TBCK: variants seen among roughly 807,000 people sequenced by gnomAD.
The protein encoded by TBCK is TBC1 domain containing kinase, also known as TBC domain-containing protein kinase-like protein.
In TBCK, 99 loss-of-function variants were observed where a neutral mutation model predicts 113.4. That is an observed-to-expected ratio of 0.87 (90% CI 0.74 to 1.03). The LOEUF is 1.03. TBCK is among the 50% of genes least tolerant of loss of function. The pLI is 0.00. For synonymous variants in TBCK, 369 were observed against 370.8 expected, an observed-to-expected ratio of 1.00 and a Z score of 0.05; for missense variants, 1,045 against 1,061.3, an observed-to-expected ratio of 0.98 and a Z score of 0.21.
chr4:106,224,607 A>C (rs1284478818), intron 19 of TBCK, among the ~76,000 whole-genome samples: 1 of 152,194 alleles, frequency 6.6e-6, no homozygotes, highest in Non-Finnish European at 1.5e-5. Flanking sequence ...TCTAATTCTA[A>C]GCCTAAAATA....
intron 23 of TBCK, among the ~76,000 whole-genome samples, chr4:106,156,347 G>A (rs765835126): frequency 2.0e-4 from 31 of 152,134 alleles, no homozygotes; most frequent in Non-Finnish European, 3.5e-4. Flanking sequence ...ACTGGGTCTC[G>A]CCCAAGGCTT....
At chr4:106,116,882 T>C (rs1167318131) in intron 23 of TBCK, among the ~76,000 whole-genome samples, 1 of 152,114 alleles carries the variant, frequency 6.6e-6, no homozygotes, top group Non-Finnish European at 1.5e-5. Context: ...TTATGGTAAG[T>C]TGTATAATTA....
intron 20 of TBCK, among the ~76,000 whole-genome samples, chr4:106,199,448 C>A (rs961596797): frequency 6.6e-6 from 1 of 152,074 alleles, no homozygotes; most frequent in African/African-American, 2.4e-5. Flanking sequence ...GATACCTTTT[C>A]TTTTCTTTTC....
intron 5 of TBCK, among the ~76,000 whole-genome samples, chr4:106,257,483 C>G (rs1475706788): frequency 1.3e-5 from 2 of 152,100 alleles, no homozygotes; most frequent in African/African-American, 2.4e-5. Flanking sequence ...ATTCAAAATA[C>G]AAGTCAATTA....
intron 25 of TBCK, among the ~76,000 whole-genome samples, chr4:106,061,780 A>G (rs1413338934): frequency 1.3e-5 from 2 of 151,684 alleles, no homozygotes; most frequent in African/African-American, 2.4e-5. Context: ...CTCCTTTTAT[A>G]GGAGAGAAAT....
intron 23 of TBCK, among the ~76,000 whole-genome samples, chr4:106,139,589 C>G (rs894003480): frequency 7.1e-6 from 1 of 140,934 alleles, no homozygotes; most frequent in Non-Finnish European, 1.6e-5. Context: ...ATGTGTTTAG[C>G]TGTGAATACT....
chr4:106,193,726 G>A lies in TBCK; in HGVS notation c.1942C>T (p.Leu648=), dbSNP rs1753911469. 4 of 1,607,968 alleles carry A rather than the reference G, an allele frequency of 2.5e-6. No individual in the cohort carries two copies. In the African/African-American group the frequency reaches 4.0e-5, roughly 16 times the overall value. ...HKIFHLWDTL[L]LGNSSFPFCI... ...AATGGGAAAGAGGAATTCCCAAGTA[G>A]TAAGGTATCCCAGAGGTGGAAAATT... Residue 648 remains leucine (L), a synonymous_variant, in exon 22 of 26, where the codon CTA becomes TTA. Coordinates refer to ENST00000394708, the MANE Select transcript of TBCK (RefSeq NM_001163435.3).
At chr4:106,154,991 A>G (rs577937926) in intron 23 of TBCK, among the ~76,000 whole-genome samples, 6 of 152,144 alleles carry the variant, frequency 3.9e-5, no homozygotes, top group African/African-American at 1.4e-4. Context: ...ATTACTCATT[A>G]AAAGTCTTTT....
chr4:106,221,336 C>T (rs1419878754), intron 19 of TBCK, among the ~76,000 whole-genome samples: 1 of 152,098 alleles, frequency 6.6e-6, no homozygotes, highest in East Asian at 1.9e-4. Context: ...TATATATACA[C>T]ACACACACAG....
At position 106,314,032 on chromosome 4, in the gene TBCK, T is replaced by C. The variant is rs537768982; in HGVS notation, c.-30+1899A>G. On this transcript the variant is annotated intron_variant, in intron 1 of 25. Transcript: ENST00000394708. ...AAAAAACATATCAGAGCATACAGCT[T>C]GGACTTGCTCTAAGTAACAACTATA... Among the ~76,000 whole-genome samples the C allele has an allele frequency of 2.0e-5, 3 of 152,336 alleles. No homozygotes were observed. In the East Asian group the frequency reaches 5.8e-4, roughly 29 times the overall value.
chr4:106,239,201 G>C (rs1171931127), intron 12 of TBCK, among the ~76,000 whole-genome samples: 1 of 151,950 alleles, frequency 6.6e-6, no homozygotes, highest in Non-Finnish European at 1.5e-5. Flanking sequence ...TTTGATGTAG[G>C]GGAACAGAAA....
chr4:106,315,134 G>A (rs942428392), intron 1 of TBCK, among the ~76,000 whole-genome samples: 1 of 151,976 alleles, frequency 6.6e-6, no homozygotes, highest in African/African-American at 2.4e-5. Flanking sequence ...GAAAACTACC[G>A]GGGGAAAAAA....
intron 20 of TBCK, among the ~76,000 whole-genome samples, chr4:106,205,028 G>A (rs996519923): frequency 1.3e-5 from 2 of 151,434 alleles, no homozygotes; most frequent in African/African-American, 4.9e-5. Context: ...GCCTCCCAAA[G>A]TGCTGGGATT....
intron 23 of TBCK, among the ~76,000 whole-genome samples, chr4:106,122,789 A>C (rs1389919089): frequency 6.6e-6 from 1 of 152,108 alleles, no homozygotes; most frequent in Non-Finnish European, 1.5e-5. Context: ...TGATTATCTC[A>C]ATAGATGCAG....
chr4:106,267,594 A>G (rs1391985666), intron 3 of TBCK, among the ~76,000 whole-genome samples: 2 of 152,020 alleles, frequency 1.3e-5, no homozygotes, highest in Non-Finnish European at 1.5e-5. Context: ...AGAGACCTAC[A>G]AAAGTCATAA....
intron 23 of TBCK, among the ~76,000 whole-genome samples, chr4:106,142,421 T>C (rs916718785): frequency 2.0e-5 from 3 of 152,206 alleles, no homozygotes; most frequent in East Asian, 1.9e-4. Flanking sequence ...ACAAAGCAGG[T>C]TGACAAACTG....
chr4:106,277,423 C>A (rs920385038), intron 3 of TBCK, among the ~76,000 whole-genome samples: 2 of 151,926 alleles, frequency 1.3e-5, no homozygotes, highest in African/African-American at 2.4e-5. Context: ...GTCATAATAG[C>A]CAAAACCCTG....
chr4:106,265,682 T>C (rs1279234953), intron 3 of TBCK, among the ~76,000 whole-genome samples: 1 of 151,908 alleles, frequency 6.6e-6, no homozygotes, highest in Non-Finnish European at 1.5e-5. Context: ...CCTTTGAGTA[T>C]CTCTGAGAAT....
intron 22 of TBCK, among the ~76,000 whole-genome samples, chr4:106,179,992 CTTTT>C (rs1361308452): frequency 3.3e-5 from 5 of 151,882 alleles, no homozygotes; most frequent in African/African-American, 1.2e-4. Context: ...TAATGGACTT[CTTTT>C]GTCTTTTTTA....
Sources: allele counts gnomAD v4.1 joint callset (sites outside exome capture counted in the v4.1 genomes callset), GRCh38; gene constraint gnomAD v4.1.1; transcripts MANE v1.5; gene names NCBI Gene and HGNC (gene_info 2026-07-23, HGNC 2026-07-21).